Variants in KDM6B observed in about 807,000 individuals in gnomAD.
KDM6B encodes lysine-specific demethylase 6B.
Under a neutral mutation model 150.4 loss-of-function variants are expected in KDM6B, and 22 were observed. The observed-to-expected ratio is 0.15, with a 90% CI of 0.10 to 0.21. The LOEUF (loss-of-function observed/expected upper bound fraction) is 0.21. KDM6B is among the 10% of genes least tolerant of loss of function. KDM6B has a pLI of 1.00. For missense variants in KDM6B, 1,984 were observed against 2,234.3 expected (o/e 0.89, Z 2.26); for synonymous variants, 1,148 against 921.1 (o/e 1.25, Z -4.46).
chr17:7,834,481 G>C (rs1197653091), intron 1 of KDM6B, among the ~76,000 whole-genome samples, 131 bp downstream of exon 1: 1 of 152,090 alleles, frequency 6.6e-6, no homozygotes, highest in Admixed American at 6.5e-5. Context: ...CTGGGAAGAA[G>C]ACTGGGGCGG....
intron 2 of KDM6B, among the ~76,000 whole-genome samples, chr17:7,841,652 A>G (rs2078416023): frequency 6.6e-6 from 1 of 152,184 alleles, no homozygotes; most frequent in South Asian, 2.1e-4. Flanking sequence ...GCACGCGGAG[A>G]CAGACACCGG....
At chr17:7,851,901 A>G (rs2078703465) in intron 18 of KDM6B, 50 bp from the exon 19 acceptor site, 1 of 1,604,894 alleles carries the variant, frequency 6.2e-7, no homozygotes. Flanking sequence ...GCTATCGGGG[A>G]TCGCAGTTCC....
chr17:7,849,629 A>G lies in KDM6B; in HGVS notation c.3341A>G (p.Asp1114Gly). 7.4e-6 allele frequency: 12 copies of G among 1,611,700 alleles called. No homozygotes were observed. Among genetic ancestry groups the G allele is most frequent in the Non-Finnish European group, 1.0e-5 (12 of 1,180,014 alleles). ...CGGCTCATCAAGGTAGAGAGTGGTG[A>G]CAAGGAGACCTTTATCGCCTCTGAG... ...KIRLIKVESG[D>G]KETFIASEVE... The change falls in exon 12 of 24, where the codon GAC becomes GGC. Residue 1114 changes from aspartate to glycine, a missense_variant. By Grantham distance (94) the Asp-to-Gly change is moderately conservative. Around this residue, in one of 13 missense-constraint regions of KDM6B, gnomAD observed 1,379 missense variants for 1,275.6 expected, o/e 1.08. Transcript: ENST00000448097.
Position 7,844,586 on chromosome 17 carries a change from C to G in KDM6B, c.-268-315C>G, listed in dbSNP as rs2078491246. On this transcript the variant is annotated intron_variant, in intron 2 of 23. Transcript: ENST00000448097. This position sits in a 1 kb window ranked among gnomAD's most constrained non-coding sequence, Gnocchi z 5.9. ...ATCCGTCTGTCGTCCGTCGGTCTTA[C>G]GGTGGCCGGGCGTGGGGCTACTCGA... Among the ~76,000 whole-genome samples, 3 of 152,204 alleles carry G rather than the reference C, an allele frequency of 2.0e-5. No individual in the cohort carries two copies. Among genetic ancestry groups the G allele is most frequent in the Admixed American group, 2.0e-4 (3 of 15,290 alleles).
At position 7,849,147 on chromosome 17, in the gene KDM6B, G is replaced by T; in HGVS notation, c.2859G>T (p.Leu953=). 6.2e-7 allele frequency: 1 copy of T among 1,611,892 alleles called. No homozygotes were observed. The highest frequency in any genetic ancestry group is 8.5e-7 in the Non-Finnish European group (1 of 1,179,632). ...EPADSGTERL[L]PPAQAKEEAG... ...CGGACAGTGGGACTGAGCGACTGCT[G>T]CCCCCCGCACAGGCCAAGGAGGAGG... Residue 953 remains leucine, a synonymous_variant, in exon 12 of 24, where the codon CTG becomes CTT. Coordinates refer to ENST00000448097, the MANE Select transcript of KDM6B (RefSeq NM_001348716.2).
rs148894687 is a variant in KDM6B at position 7,849,482 on chromosome 17, C to T, written c.3194C>T (p.Pro1065Leu). 2.7e-5 allele frequency: 44 copies of T among 1,612,674 alleles called. No individual in the cohort carries two copies. In the African/African-American group the frequency reaches 4.0e-4, roughly 15 times the overall value. Residue 1065 changes from proline to leucine, a missense_variant, in exon 12 of 24, where the codon CCG (proline) becomes CTG (leucine). This residue lies in a region of KDM6B where 1,379 missense variants were observed against 1,275.6 expected (regional missense o/e 1.08). Transcript: ENST00000448097. ...GCACCTTCTGCCCAGCCCACACCCC[C>T]GTCAGCCTCTGTCCCTGGAAAGAAG... Reference protein sequence around the residue: ...APAPSAQPTPPSASVPGKKAR... With the variant: ...APAPSAQPTPLSASVPGKKAR...
rs772204657 is a variant in KDM6B, at chr17:7,846,677, C to T, written c.648C>T (p.Gly216=). The T allele has an allele frequency of 5.0e-6, 8 of 1,614,130 alleles. No homozygotes were observed. In the East Asian group the frequency reaches 1.1e-4, roughly 22 times the overall value. Residue 216 remains glycine (G), a synonymous_variant, in exon 9 of 24, where the codon GGC becomes GGT. Transcript: ENST00000448097. ...CTGTGCCTCCTGCAGCACTCTCAGG[C>T]CCCTCAGGGGAGGAGGGCCTCAGCC... ...VQPVPPAALS[G]PSGEEGLSPG...
chr17:7,846,981 C>G lies in KDM6B; in HGVS notation c.874C>G (p.Pro292Ala), dbSNP rs2078561115. The change falls in exon 10 of 24, where the codon CCA becomes GCA. Residue 292 changes from proline to alanine, a missense_variant. By Grantham distance (27) the Pro-to-Ala change is conservative (BLOSUM62 -1). Around this residue, in one of 13 missense-constraint regions of KDM6B, gnomAD observed 1,379 missense variants for 1,275.6 expected, o/e 1.08. Transcript: ENST00000448097. ...WSTLHGDAWG[P>A]ERKGSAPPER... ...TACCCTGCATGGAGATGCCTGGGGC[C>G]CAGAGCGCAAGGGTTCAGCACCCCC... 1 of 1,612,970 alleles carries G rather than the reference C, an allele frequency of 6.2e-7. No individual in the cohort carries two copies. Among genetic ancestry groups the G allele is most frequent in the Non-Finnish European group, 8.5e-7 (1 of 1,179,860 alleles).
rs2078707541 is a variant in KDM6B, at chr17:7,852,034, T to C, written c.4249T>C (p.Tyr1417His). ...CGAGTGGTTCGCGGTGCACGAGCAC[T>C]ACTGGGAGACCATCAGCGCTTTCTG... ...DCEWFAVHEH[Y>H]WETISAFCDR... The change falls in exon 19 of 24, where the codon TAC (tyrosine) becomes CAC (histidine). Residue 1417 changes from tyrosine to histidine, a missense_variant. Tyr to His is a moderately conservative substitution (Grantham distance 83, BLOSUM62 2). Coordinates refer to ENST00000448097, the MANE Select transcript of KDM6B (RefSeq NM_001348716.2). 1.9e-6 allele frequency: 3 copies of C among 1,613,966 alleles called. No homozygotes were observed. The highest frequency in any genetic ancestry group is 1.3e-5 in the African/African-American group (1 of 74,940).
At position 7,845,774 on chromosome 17, in the gene KDM6B, C is replaced by T. The variant is rs1220507695; in HGVS notation, c.137+83C>T. The T allele has an allele frequency of 3.1e-6, 5 of 1,604,890 alleles. No individual in the cohort carries two copies. In the Admixed American group the frequency reaches 8.3e-5, roughly 27 times the overall value. On this transcript the variant is annotated intron_variant, in intron 5 of 23. Transcript: ENST00000448097. Reference sequence around the variant, plus strand: ...AATCTGTGTCATTCTCCATGGGTTCCTGTCATTCTGTGGGCTTCCGTGCAT... The same window carrying T: ...AATCTGTGTCATTCTCCATGGGTTCTTGTCATTCTGTGGGCTTCCGTGCAT...
At chr17:7,836,361 A>G (rs1442892816) in intron 1 of KDM6B, among the ~76,000 whole-genome samples, 1 of 152,004 alleles carries the variant, frequency 6.6e-6, no homozygotes, top group African/African-American at 2.4e-5. Flanking sequence ...TCTCCCGGTT[A>G]TATAACTCTT....
At chr17:7,837,779 G>T (rs951134318) in intron 1 of KDM6B, among the ~76,000 whole-genome samples, 5 of 152,162 alleles carry the variant, frequency 3.3e-5, no homozygotes, top group Non-Finnish European at 5.9e-5. Context: ...AGTGCTTGTT[G>T]TTATGAAATA....
rs760251995 is a variant in KDM6B, at chr17:7,848,127, C to T, written c.1839C>T (p.Ser613=). 8.7e-6 allele frequency: 14 copies of T among 1,613,028 alleles called. No individual in the cohort carries two copies. The highest frequency in any genetic ancestry group is 6.8e-6 in the Non-Finnish European group (8 of 1,179,928). Residue 613 remains serine (S), a synonymous_variant, in exon 12 of 24, where the codon TCC becomes TCT. Transcript: ENST00000448097. ...TLALPPAPPS[S]CHQNTSGSFR... is the part of the protein sequence containing the mutation. ...CCCTGCCTCCAGCCCCTCCTTCCTCCTGCCACCAAAATACCTCAGGAAGCT... is the reference window on the plus strand; with the variant it reads ...CCCTGCCTCCAGCCCCTCCTTCCTCTTGCCACCAAAATACCTCAGGAAGCT...
In KDM6B at chr17:7,853,278, C is replaced by T; in HGVS notation, c.4806C>T (p.Cys1602=). Residue 1602 remains cysteine, a synonymous_variant, in exon 23 of 24, where the codon TGC becomes TGT. Coordinates refer to ENST00000448097, the MANE Select transcript of KDM6B (RefSeq NM_001348716.2). ...GCCGCAACACGTACCTGGTACACTGCGAGGGCTGTGCCCGGCGCCGCAGCG... is the reference window on the plus strand; with the variant it reads ...GCCGCAACACGTACCTGGTACACTGTGAGGGCTGTGCCCGGCGCCGCAGCG... ...NGSRNTYLVH[C]EGCARRRSAG... is the part of the protein sequence containing the mutation. The T allele has an allele frequency of 9.3e-6, 15 of 1,608,568 alleles. No homozygotes were observed. Among genetic ancestry groups the T allele is most frequent in the East Asian group, 2.2e-5 (1 of 44,654 alleles).
Position 7,854,175 on chromosome 17 carries a change from C to G in KDM6B, c.*654C>G, listed in dbSNP as rs946750862. 1 of 152,586 alleles carries G rather than the reference C, an allele frequency of 6.6e-6. No individual in the cohort carries two copies. Among genetic ancestry groups the G allele is most frequent in the Non-Finnish European group, 1.5e-5 (1 of 68,062 alleles). 9.5% of individuals were successfully genotyped at this position (152,586 alleles called of 1,614,324 possible). ...CCTGCCCGCCCCTCCAGGGACCGCC[C>G]GTCGCCGGGCTCTCCCCGCGCCCCA... On this transcript the variant is annotated 3_prime_UTR_variant, in exon 24 of 24. Transcript: ENST00000448097.
Position 7,848,667 on chromosome 17 carries a change from A to C in KDM6B, c.2379A>C (p.Pro793=), listed in dbSNP as rs762371106. The stretch of plus-strand genomic sequence containing the variant: ...CTCCACCCTCTCAGCCACAGCCACC[A>C]CCACCCCCACCCCCCAGCCCGGCCA... The part of the protein sequence containing the change: ...KFPPPSQPQP[P]PPPPPSPASL... The change falls in exon 12 of 24, where the codon CCA becomes CCC. Residue 793 remains proline (P), a synonymous_variant. Transcript: ENST00000448097. The C allele has an allele frequency of 9.0e-5, 145 of 1,605,904 alleles. No homozygotes were observed. Among genetic ancestry groups the C allele is most frequent in the Middle Eastern group, 2.1e-4 (1 of 4,660 alleles).
chr17:7,853,966 C>T lies in KDM6B; in HGVS notation c.*445C>T, dbSNP rs143082103. The T allele has an allele frequency of 6.4e-6, 1 of 156,788 alleles. No individual in the cohort carries two copies. Among genetic ancestry groups the T allele is most frequent in the East Asian group, 1.9e-4 (1 of 5,288 alleles). 9.7% of individuals were successfully genotyped at this position (156,788 alleles called of 1,614,324 possible). A position where few individuals can be genotyped will look rare whatever the true frequency, so the allele number is the denominator to read the frequency against. On this transcript the variant is annotated 3_prime_UTR_variant, in exon 24 of 24. Transcript: ENST00000448097. Reference sequence around the variant, plus strand: ...ATTCTTTCTATGGGCTTTACCCCTCCCCCGGAACCTCCTTTTTTACTTCCA... The same window carrying T: ...ATTCTTTCTATGGGCTTTACCCCTCTCCCGGAACCTCCTTTTTTACTTCCA...
intron 2 of KDM6B, among the ~76,000 whole-genome samples, chr17:7,842,744 G>C (rs1389325778): frequency 1.3e-5 from 2 of 152,112 alleles, no homozygotes; most frequent in Non-Finnish European, 2.9e-5. Context: ...GCCTCTGACT[G>C]TGTGTCTGTG....
In KDM6B at chr17:7,847,976, G is replaced by T. The variant is rs773788942; in HGVS notation, c.1688G>T (p.Ser563Ile). Residue 563 changes from serine to isoleucine, a missense_variant, in exon 12 of 24, where the codon AGC (serine) becomes ATC (isoleucine). Transcript: ENST00000448097. Reference protein sequence around the residue: ...SSNSNSGSHSSSPAGPVSFPP... With the variant: ...SSNSNSGSHSISPAGPVSFPP... ...AACAGCAACAGTGGCAGCCACAGCA[G>T]CAGCCCTGCTGGGCCTGTGTCCTTT... 1 of 1,610,884 alleles carries T rather than the reference G, an allele frequency of 6.2e-7. No individual in the cohort carries two copies. Among genetic ancestry groups the T allele is most frequent in the African/African-American group, 1.4e-5 (1 of 74,072 alleles).
Sources: gnomAD v4.1 joint callset for allele counts (sites outside exome capture counted in the v4.1 genomes callset) on GRCh38, gnomAD v4.1.1 for gene constraint, gnomAD v4.1.1 regional missense constraint, Gnocchi (gnomAD v3.1) non-coding constraint, MANE v1.5 for transcripts, NCBI Gene and HGNC (gene_info 2026-07-23, HGNC 2026-07-21) for gene names.